Variants in ADD3 observed in about 807,000 individuals in gnomAD.
ADD3 encodes the protein adducin 3.
ADD3 carries 25 observed loss-of-function variants against 80.2 expected under a neutral mutation model. The observed-to-expected ratio is 0.31, with a 90% CI of 0.23 to 0.44. The LOEUF (loss-of-function observed/expected upper bound fraction) is 0.44. Ranked by LOEUF, ADD3 falls within the 20% of genes least tolerant of loss-of-function variation. ADD3 has a pLI of 1.00. For synonymous variants in ADD3, 284 were observed against 289.6 expected (o/e 0.98, Z 0.20); for missense variants, 829 against 847.5 (o/e 0.98, Z 0.27).
chr10:110,030,072 C>T (rs910546687), intron 1 of ADD3, among the ~76,000 whole-genome samples: 16 of 151,984 alleles, frequency 1.1e-4, no homozygotes, highest in African/African-American at 3.9e-4. Flanking sequence ...ACCTGTAATC[C>T]CAGCACTTTG....
At chr10:110,131,098 A>G (rs1340858498) in intron 13 of ADD3, among the ~76,000 whole-genome samples, 1 of 152,184 alleles carries the variant, frequency 6.6e-6, no homozygotes, top group Non-Finnish European at 1.5e-5. Flanking sequence ...TGGTTATCTC[A>G]AGGTGCCAAC....
At chr10:110,066,046 G>T (rs949921817) in intron 1 of ADD3, among the ~76,000 whole-genome samples, 3 of 152,030 alleles carry the variant, frequency 2.0e-5, no homozygotes, top group Non-Finnish European at 2.9e-5. Context: ...ATCTTTAAGG[G>T]TTTTGAACAC....
intron 2 of ADD3, among the ~76,000 whole-genome samples, chr10:110,111,459 A>G (rs1378906715): frequency 6.6e-6 from 1 of 152,214 alleles, no homozygotes. Context: ...ATGTTGAACC[A>G]TACTAGTAAC....
chr10:110,073,256 C>G (rs1300198119), intron 1 of ADD3, among the ~76,000 whole-genome samples: 1 of 150,880 alleles, frequency 6.6e-6, no homozygotes, highest in Non-Finnish European at 1.5e-5. Context: ...CATTCTCCTG[C>G]CTCAGCCTCC....
rs530506938 is a variant in ADD3 at position 110,098,654 on chromosome 10, G to A, written c.-29-1971G>A. On this transcript the variant is annotated intron_variant, in intron 1 of 14. Transcript: ENST00000356080. Reference sequence around the variant, plus strand: ...ACAGAATTTTTTTTTTTTTGAGATGGAGTCTCACTCTGTTGCCCAGGCTGC... The same window carrying A: ...ACAGAATTTTTTTTTTTTTGAGATGAAGTCTCACTCTGTTGCCCAGGCTGC... Among the ~76,000 whole-genome samples, 302 of 151,416 alleles carry A rather than the reference G, an allele frequency of 2.0e-3. 1 individual carries two copies. Among genetic ancestry groups the A allele is most frequent in the Non-Finnish European group, 3.2e-3 (214 of 67,844 alleles).
intron 8 of ADD3, 53 bp from the exon 9 acceptor site, chr10:110,122,057 T>C (rs1439929738): frequency 6.8e-6 from 10 of 1,468,472 alleles, no homozygotes; most frequent in Admixed American, 2.2e-5. Context: ...AGTAAAATAC[T>C]CATTACAGTC....
chr10:110,016,364 C>T (rs11194951), intron 1 of ADD3: 98,924 of 152,124 alleles, frequency 0.65, 37,190 homozygotes, highest in Non-Finnish European at 0.83. Context: ...AGCAGGAGGC[C>T]TAAACACATG....
upstream of ADD3, among the ~76,000 whole-genome samples, chr10:110,001,920 T>C (rs1442110494): frequency 6.6e-6 from 1 of 152,242 alleles, no homozygotes; most frequent in Non-Finnish European, 1.5e-5. Context: ...TGAAAAGATG[T>C]ATATGCAACT....
chr10:110,083,758 T>A (rs1187016164), intron 1 of ADD3, among the ~76,000 whole-genome samples: 1 of 152,176 alleles, frequency 6.6e-6, no homozygotes, highest in Non-Finnish European at 1.5e-5. Context: ...GGAAATGGTG[T>A]TTTTGGAAAA....
intron 1 of ADD3, among the ~76,000 whole-genome samples, chr10:110,093,626 G>C (rs1256809979): frequency 6.6e-6 from 1 of 152,130 alleles, no homozygotes; most frequent in Admixed American, 6.5e-5. Flanking sequence ...TTAGTGGTCC[G>C]TACCTTGCAT....
At chr10:110,132,461 G>A in intron 14 of ADD3, 61 bp downstream of exon 14, 1 of 1,200,890 alleles carries the variant, frequency 8.3e-7, no homozygotes, top group Non-Finnish European at 1.2e-6. Context: ...GTCCCTCTGT[G>A]TTTTGTTTTC....
chr10:110,026,271 C>T (rs1457503304), intron 1 of ADD3, among the ~76,000 whole-genome samples: 2 of 148,894 alleles, frequency 1.3e-5, no homozygotes, highest in African/African-American at 5.1e-5. Flanking sequence ...ACTTATGACC[C>T]CAGTTTTCTT....
At chr10:110,057,955 T>C (rs1589914106) in intron 1 of ADD3, among the ~76,000 whole-genome samples, 1 of 152,240 alleles carries the variant, frequency 6.6e-6, no homozygotes, top group African/African-American at 2.4e-5. Context: ...TAAAAATCTT[T>C]GCATGAATAT....
At chr10:110,024,885 AAAGT>A (rs1854095974) in intron 1 of ADD3, among the ~76,000 whole-genome samples, 2 of 152,054 alleles carry the variant, frequency 1.3e-5, no homozygotes, top group African/African-American at 4.8e-5. Context: ...TATACAGTGA[AAAGT>A]AAGTTGTCAC....
rs555342480 is a variant in ADD3, at chr10:110,111,845, G to A, written c.196-932G>A. On this transcript the variant is annotated intron_variant, in intron 2 of 14. Transcript: ENST00000356080. ...GGAGAATCGCTTCAACCCGGGAGGC[G>A]GAGGTTGCGGTGAGTTGAGATCGCG... 1.2e-4 allele frequency among the ~76,000 whole-genome samples: 18 copies of A among 152,046 alleles called. No homozygotes were observed. In the South Asian group the frequency reaches 3.5e-3, roughly 30 times the overall value.
intron 1 of ADD3, among the ~76,000 whole-genome samples, chr10:110,083,472 C>T (rs1846322933): frequency 6.6e-6 from 1 of 151,594 alleles, no homozygotes; most frequent in Non-Finnish European, 1.5e-5. Context: ...GCCGAGATCG[C>T]GCCACTGCAC....
At chr10:110,101,024 A>G (rs957056081) in intron 2 of ADD3, among the ~76,000 whole-genome samples, 176 bp downstream of exon 2, 13 of 152,206 alleles carry the variant, frequency 8.5e-5, no homozygotes, top group African/African-American at 3.1e-4. Flanking sequence ...TTTGATTTGC[A>G]GAGCCTTAAT....
intron 5 of ADD3, among the ~76,000 whole-genome samples, chr10:110,117,713 T>C (rs907940668): frequency 1.3e-5 from 2 of 151,476 alleles, no homozygotes; most frequent in African/African-American, 4.9e-5. Flanking sequence ...TGTAAAAAAA[T>C]TGTGTAAAAA....
At chr10:110,036,043 C>T (rs562937064) in intron 1 of ADD3, among the ~76,000 whole-genome samples, 36 of 151,960 alleles carry the variant, frequency 2.4e-4, no homozygotes, top group African/African-American at 8.2e-4. Context: ...CCCAGCTACT[C>T]GGGAGGCTGA....
Sources: gnomAD v4.1 joint callset for allele counts (sites outside exome capture counted in the v4.1 genomes callset) on GRCh38, gnomAD v4.1.1 for gene constraint, MANE v1.5 for transcripts, NCBI Gene and HGNC (gene_info 2026-07-23, HGNC 2026-07-21) for gene names.